Variants in TBPL2 observed in about 807,000 individuals in gnomAD.
TBPL2 encodes TATA-box binding protein like 2.
In TBPL2, 40 loss-of-function variants were observed where a neutral mutation model predicts 38.2. The ratio of observed to expected loss-of-function variants is 1.05; its 90% CI spans 0.81 to 1.36. The LOEUF is 1.36. Ranked by LOEUF, TBPL2 falls within the 40% of genes most tolerant of loss-of-function variation. The pLI is 0.00. For missense variants in TBPL2, 461 were observed against 456.7 expected (o/e 1.01, Z -0.09); for synonymous variants, 169 against 171.7 (o/e 0.98, Z 0.12).
At chr14:55,429,115 T>A (rs958008935) in intron 4 of TBPL2, 141 bp from the exon 5 acceptor site, 2 of 984,260 alleles carry the variant, frequency 2.0e-6, no homozygotes, top group Non-Finnish European at 2.9e-6. Flanking sequence ...GAGGAGGACT[T>A]ACTTCCCATA....
chr14:55,440,581 C>T, exon 1 of TBPL2: 1 of 1,557,628 alleles, frequency 6.4e-7, no homozygotes, highest in Non-Finnish European at 8.7e-7. Flanking sequence ...GGGCGGCCCT[C>T]GGCCCAGGTT....
At chr14:55,435,329 G>A (rs189365567) in intron 3 of TBPL2, among the ~76,000 whole-genome samples, 3 of 148,894 alleles carry the variant, frequency 2.0e-5, no homozygotes, top group Non-Finnish European at 4.4e-5. Flanking sequence ...AGGCTGGAAT[G>A]TAATGGCATG....
chr14:55,433,608 G>A, intron 4 of TBPL2, 22 bp downstream of exon 4: 1 of 1,590,690 alleles, frequency 6.3e-7, no homozygotes, highest in South Asian at 1.1e-5. Flanking sequence ...TCTGGTAGGG[G>A]TGGAGGGATG....
Position 55,429,117 on chromosome 14 carries a change from C to A in TBPL2, c.789-143G>T, listed in dbSNP as rs1347514186. On this transcript the variant is annotated intron_variant, in intron 4 of 6. Transcript: ENST00000247219. ...CTGTAGGCTTTGTGAGGAGGACTTA[C>A]TTCCCATACTTTCGTCCCTAGCACC... 17 of 984,988 alleles carry A rather than the reference C, an allele frequency of 1.7e-5. 1 individual carries two copies. In the East Asian group the frequency reaches 4.4e-4, roughly 26 times the overall value. The allele number at this position is 984,988 out of a possible 1,614,324, so 61.0% of individuals were successfully genotyped here.
At position 55,433,584 on chromosome 14, in the gene TBPL2, T is replaced by A. The variant is rs1189462281; in HGVS notation, c.788+46A>T. Reference sequence around the variant, plus strand: ...TAATTCTATGCTTCCTTGTTTTACATACTAAATTGTTTCTCTGGTAGGGGT... The same window carrying A: ...TAATTCTATGCTTCCTTGTTTTACAAACTAAATTGTTTCTCTGGTAGGGGT... On this transcript the variant is annotated intron_variant, in intron 4 of 6. Transcript: ENST00000247219. The A allele has an allele frequency of 3.2e-6, 5 of 1,541,664 alleles. No homozygotes were observed. In the South Asian group the frequency reaches 5.6e-5, roughly 17 times the overall value.
chr14:55,422,306 C>T (rs558187296), intron 6 of TBPL2, among the ~76,000 whole-genome samples: 24 of 152,246 alleles, frequency 1.6e-4, no homozygotes, highest in African/African-American at 4.8e-4. Context: ...AAGTAGACTA[C>T]GCGATCTCAG....
Position 55,435,828 on chromosome 14 carries a change from G to C in TBPL2, c.696+19C>G, listed in dbSNP as rs1886003270. ...CTAAAGAGAAGCTAATTATTGGAAG[G>C]AATACTGAGAAATGTTACCTTTGGG... On this transcript the variant is annotated intron_variant, in intron 3 of 6. Coordinates refer to ENST00000247219, the Ensembl canonical transcript of TBPL2. The C allele has an allele frequency of 2.0e-6, 3 of 1,478,496 alleles. No individual in the cohort carries two copies. 91.6% of individuals were successfully genotyped at this position (1,478,496 alleles called of 1,614,324 possible).
intron 6 of TBPL2, among the ~76,000 whole-genome samples, chr14:55,417,623 C>G (rs1237454489): frequency 6.6e-6 from 1 of 152,098 alleles, no homozygotes; most frequent in Non-Finnish European, 1.5e-5. Flanking sequence ...CCATGTCTGG[C>G]TAATTTTGTC....
chr14:55,414,572 T>C, intron 6 of TBPL2, 117 bp from the exon 7 acceptor site: 1 of 683,338 alleles, frequency 1.5e-6, no homozygotes, highest in Non-Finnish European at 2.3e-6. Flanking sequence ...TCTTTAGCTG[T>C]ACCTGAGAAA....
At chr14:55,425,996 G>A (rs1009842666) in intron 5 of TBPL2, among the ~76,000 whole-genome samples, 12 of 152,134 alleles carry the variant, frequency 7.9e-5, no homozygotes, top group Non-Finnish European at 1.6e-4. Flanking sequence ...GGCCGGGTGC[G>A]GTGGCTCACA....
At chr14:55,434,879 A>G (rs1317665148) in intron 3 of TBPL2, among the ~76,000 whole-genome samples, 1 of 152,114 alleles carries the variant, frequency 6.6e-6, no homozygotes. Context: ...ATCCTCCACC[A>G]CCTAAGCCAG....
rs553726994 is a variant in TBPL2 at position 55,428,116 on chromosome 14, T to C, written c.956+691A>G. Among the ~76,000 whole-genome samples the C allele has an allele frequency of 3.8e-5, 5 of 130,078 alleles. No individual in the cohort carries two copies. The East Asian group carries it at 1.1e-3, about 29-fold the overall frequency. The allele number at this position is 130,078 out of a possible 152,430, so 85.3% of individuals were successfully genotyped here. A position where few individuals can be genotyped will look rare whatever the true frequency, so the allele number is the denominator to read the frequency against. ...CCGGCCTAGTCCATTTCACATGCCT[T>C]ATCTTTTTTTTTTTTTTTTTTTTTT... On this transcript the variant is annotated intron_variant, in intron 5 of 6. Coordinates refer to ENST00000247219, the Ensembl canonical transcript of TBPL2.
exon 7 of TBPL2, chr14:55,414,375 A>G: frequency 6.3e-7 from 1 of 1,593,410 alleles, no homozygotes; most frequent in East Asian, 2.2e-5. Context: ...GCTGAATGAT[A>G]TGCTCAGGCT....
At chr14:55,422,183 G>A (rs997588258) in intron 6 of TBPL2, among the ~76,000 whole-genome samples, 2 of 152,196 alleles carry the variant, frequency 1.3e-5, no homozygotes, top group Admixed American at 6.5e-5. Flanking sequence ...GATATGTAGC[G>A]TTAAGTTGGT....
At chr14:55,428,754 T>C (rs2140173093) in intron 5 of TBPL2, 53 bp downstream of exon 5, 38 of 1,547,984 alleles carry the variant, frequency 2.5e-5, no homozygotes, top group Non-Finnish European at 3.3e-5. Flanking sequence ...CAACCCATAA[T>C]GTAACTTAAA....
chr14:55,421,247 G>A (rs1258056394), intron 6 of TBPL2, among the ~76,000 whole-genome samples: 1 of 152,036 alleles, frequency 6.6e-6, no homozygotes, highest in African/African-American at 2.4e-5. Flanking sequence ...TTGAAAGTGT[G>A]TTTCCCTAAG....
At chr14:55,436,792 T>C in exon 2 of TBPL2, 1 of 1,614,226 alleles carries the variant, frequency 6.2e-7, no homozygotes, top group Non-Finnish European at 8.5e-7. Context: ...ACTTTGGCTT[T>C]CAGAATTTTC....
chr14:55,426,317 C>T (rs191870505), intron 5 of TBPL2, among the ~76,000 whole-genome samples: 4 of 151,450 alleles, frequency 2.6e-5, no homozygotes, highest in African/African-American at 9.7e-5. Flanking sequence ...TTCTCATTGA[C>T]AACTGTGGAA....
At chr14:55,416,403 G>A (rs1182683430) in intron 6 of TBPL2, among the ~76,000 whole-genome samples, 1 of 151,862 alleles carries the variant, frequency 6.6e-6, no homozygotes, top group East Asian at 1.9e-4. Flanking sequence ...ACCAGCCCGG[G>A]TAACATAGGG....
Sources: gnomAD v4.1 joint callset for allele counts (sites outside exome capture counted in the v4.1 genomes callset) on GRCh38, gnomAD v4.1.1 for gene constraint, MANE v1.5 for transcripts, NCBI Gene and HGNC (gene_info 2026-07-23, HGNC 2026-07-21) for gene names.